Variants in LIMK2 observed in about 807,000 individuals in gnomAD.
The protein encoded by LIMK2 is LIM domain kinase 2.
LIMK2 carries 35 observed loss-of-function variants against 75.7 expected under a neutral mutation model. That is an observed-to-expected ratio of 0.46 (90% CI 0.35 to 0.61). The LOEUF (loss-of-function observed/expected upper bound fraction) is 0.61, where lower values mean the gene tolerates loss of function less well. Ranked by LOEUF, LIMK2 falls within the 20% of genes least tolerant of loss-of-function variation. The probability of loss-of-function intolerance (pLI) is 0.00; values close to 1 mark genes in which losing one functional copy is unlikely to be tolerated. For missense variants in LIMK2, 623 were observed against 831.0 expected (o/e 0.75, Z 3.08); for synonymous variants, 301 against 319.2 (o/e 0.94, Z 0.61).
intron 2 of LIMK2, among the ~76,000 whole-genome samples, chr22:31,231,520 CAG>C (rs1292395508): frequency 6.6e-6 from 1 of 152,186 alleles, no homozygotes; most frequent in Non-Finnish European, 1.5e-5. Context: ...GCCTGCCTGA[CAG>C]AGGAAGGAAG....
chr22:31,277,752 C>T (rs914236655), intron 15 of LIMK2: 1 of 157,746 alleles, frequency 6.3e-6, no homozygotes, highest in African/African-American at 2.4e-5. Context: ...TCTACTGTAT[C>T]ATACAGTAGA....
At position 31,268,185 on chromosome 22, in the gene LIMK2, A is replaced by C; in HGVS notation, c.1302A>C (p.Gly434=). The change falls in exon 11 of 16, where the codon GGA becomes GGC. Residue 434 remains glycine, a synonymous_variant. Coordinates refer to ENST00000331728, the MANE Select transcript of LIMK2 (RefSeq NM_005569.4). ...AGCAGAAGGTCAGGTTTGCCAAAGGAATCGCCTCCGGAATGGTGAGTCCCA... is the reference window on the plus strand; with the variant it reads ...AGCAGAAGGTCAGGTTTGCCAAAGGCATCGCCTCCGGAATGGTGAGTCCCA... ...PWQQKVRFAK[G]IASGMAYLHS... The C allele has an allele frequency of 6.2e-7, 1 of 1,614,002 alleles. No individual in the cohort carries two copies.
intron 12 of LIMK2, 48 bp downstream of exon 12, chr22:31,271,249 G>A (rs753308185): frequency 1.3e-6 from 2 of 1,540,740 alleles, no homozygotes; most frequent in African/African-American, 2.7e-5. Flanking sequence ...TATCCTTCCT[G>A]GCTTCCTTGT....
intron 12 of LIMK2, among the ~76,000 whole-genome samples, chr22:31,272,056 T>C (rs889336020): frequency 5.3e-5 from 8 of 151,814 alleles, no homozygotes; most frequent in Admixed American, 5.2e-4. Context: ...GTCTGTTTTT[T>C]TGTTTTGTTT....
At chr22:31,245,895 G>A (rs970054418) in intron 2 of LIMK2, among the ~76,000 whole-genome samples, 8 of 151,694 alleles carry the variant, frequency 5.3e-5, no homozygotes, top group East Asian at 3.9e-4. Flanking sequence ...AGCCAGGGCC[G>A]GGCGCAGTGG....
At position 31,262,641 on chromosome 22, in the gene LIMK2, T is replaced by G; in HGVS notation, c.704T>G (p.Ile235Ser). 1 of 1,614,080 alleles carries G rather than the reference T, an allele frequency of 6.2e-7. No individual in the cohort carries two copies. The highest frequency in any genetic ancestry group is 1.7e-4 in the Middle Eastern group (1 of 6,060). Reference protein sequence around the residue: ...SQTSQTLQLLIEHDPVSQRLD... With the variant: ...SQTSQTLQLLSEHDPVSQRLD... Reference sequence around the variant, plus strand: ...ACGAGCCAGACACTTCAGCTGTTGATTGAACATGACCCCGTCTCCCAACGC... The same window carrying G: ...ACGAGCCAGACACTTCAGCTGTTGAGTGAACATGACCCCGTCTCCCAACGC... Residue 235 changes from isoleucine (I) to serine (S), a missense_variant, in exon 7 of 16, where the codon ATT (isoleucine) becomes AGT (serine). Physicochemically the swap from Ile to Ser is moderately radical, Grantham distance 142. This residue lies in a region of LIMK2 where 514 missense variants were observed against 661.3 expected (regional missense o/e 0.78). Coordinates refer to ENST00000331728, the MANE Select transcript of LIMK2 (RefSeq NM_005569.4). This position sits in a 1 kb window ranked among gnomAD's most constrained non-coding sequence, Gnocchi z 5.0.
chr22:31,278,633 C>A lies in LIMK2; in HGVS notation c.*192C>A. On this transcript the variant is annotated 3_prime_UTR_variant, in exon 16 of 16. Transcript: ENST00000331728. ...CCAGGGAAATGTATCTCCACAGGTT[C>A]TGGGGCCTAGTTACTGTCTGTAAAT... 1 of 477,472 alleles carries A rather than the reference C, an allele frequency of 2.1e-6. No individual in the cohort carries two copies. Among genetic ancestry groups the A allele is most frequent in the East Asian group, 3.4e-5 (1 of 29,426 alleles). 29.6% of individuals were successfully genotyped at this position (477,472 alleles called of 1,614,324 possible).
intron 2 of LIMK2, among the ~76,000 whole-genome samples, chr22:31,234,929 A>T (rs547188039): frequency 2.1e-4 from 32 of 152,140 alleles, no homozygotes; most frequent in Non-Finnish European, 4.0e-4. Flanking sequence ...ACTCCTGCTT[A>T]TCGTTTAGAT....
Position 31,258,422 on chromosome 22 carries a change from T to G in LIMK2, c.248T>G (p.Phe83Cys). 6.2e-7 allele frequency: 1 copy of G among 1,614,050 alleles called. No individual in the cohort carries two copies. Among genetic ancestry groups the G allele is most frequent in the South Asian group, 1.1e-5 (1 of 91,076 alleles). ...HGCSLLMTGP[F>C]MVAGEFKYHP... is the part of the protein sequence containing the mutation. ...TGCTCCCTGCTGATGACAGGGCCTT[T>G]TATGGTGAGTGAATCCCTTCATATC... Residue 83 changes from phenylalanine to cysteine, a missense_variant, in exon 3 of 16, where the codon TTT becomes TGT. Physicochemically the swap from Phe to Cys is radical, Grantham distance 205 (BLOSUM62 -2). Coordinates refer to ENST00000331728, the MANE Select transcript of LIMK2 (RefSeq NM_005569.4).
intron 8 of LIMK2, 83 bp from the exon 9 acceptor site, chr22:31,266,901 A>G: frequency 1.1e-6 from 1 of 900,670 alleles, no homozygotes. Context: ...AAGGGATGGG[A>G]TGGCCAGCTG....
At chr22:31,235,529 C>G (rs544738092) in intron 2 of LIMK2, among the ~76,000 whole-genome samples, 3 of 152,222 alleles carry the variant, frequency 2.0e-5, no homozygotes, top group Admixed American at 2.0e-4. Context: ...GGAACAAGCC[C>G]TAGGTACCTC....
At position 31,226,203 on chromosome 22, in the gene LIMK2, T is replaced by TTTATG. The variant is rs1466498483; in HGVS notation, c.116+388_116+389insGTTAT. The stretch of plus-strand genomic sequence containing the variant: ...CTTATTTTATTTTATTTTATTTTAT[T>TTTATG]TTATTTTATTTTATTTTATGAGAGG... On this transcript the variant is annotated intron_variant, in intron 2 of 15. Coordinates refer to ENST00000331728, the MANE Select transcript of LIMK2 (RefSeq NM_005569.4). Among the ~76,000 whole-genome samples, 35 of 151,602 alleles carry TTTATG rather than the reference T, an allele frequency of 2.3e-4. No homozygotes were observed. In the East Asian group the frequency reaches 6.8e-3, roughly 29 times the overall value.
At chr22:31,267,672 A>T in intron 9 of LIMK2, 104 bp from the exon 10 acceptor site, 1 of 1,229,734 alleles carries the variant, frequency 8.1e-7, no homozygotes, top group Admixed American at 2.3e-5. Context: ...AGGAGGTAGG[A>T]GATACAGGTG....
At chr22:31,276,595 G>A (rs935008784) in intron 15 of LIMK2, among the ~76,000 whole-genome samples, 1 of 146,198 alleles carries the variant, frequency 6.8e-6, no homozygotes, top group Non-Finnish European at 1.5e-5. Flanking sequence ...CCCTCGCCGC[G>A]GAGCCGGCGA....
chr22:31,239,895 C>T (rs571904495), intron 2 of LIMK2, among the ~76,000 whole-genome samples: 1 of 152,206 alleles, frequency 6.6e-6, no homozygotes, highest in African/African-American at 2.4e-5. Flanking sequence ...CTACAATATT[C>T]TTTTAGGCAA....
rs764106716 is a variant in LIMK2 at position 31,258,331 on chromosome 22, G to C, written c.157G>C (p.Glu53Gln). 2 of 1,613,500 alleles carry C rather than the reference G, an allele frequency of 1.2e-6. No individual in the cohort carries two copies. The highest frequency in any genetic ancestry group is 1.7e-6 in the Non-Finnish European group (2 of 1,179,584). ...GGATTCCCTCACCAACTGGTACTAT[G>C]AGAAGGATGGGAAGCTCTACTGCCC... ...CQDSLTNWYY[E>Q]KDGKLYCPKD... The change falls in exon 3 of 16, where the codon GAG (glutamate) becomes CAG (glutamine). Residue 53 changes from glutamate to glutamine, a missense_variant. By Grantham distance (29) the Glu-to-Gln change is conservative. This residue lies in a region of LIMK2 where 514 missense variants were observed against 661.3 expected (regional missense o/e 0.78). Coordinates refer to ENST00000331728, the MANE Select transcript of LIMK2 (RefSeq NM_005569.4).
At position 31,262,595 on chromosome 22, in the gene LIMK2, G is replaced by A; in HGVS notation, c.658G>A (p.Val220Met). Residue 220 changes from valine (V) to methionine (M), a missense_variant and splice_region_variant, in exon 7 of 16, where the codon GTG becomes ATG. Around this residue, in one of 3 missense-constraint regions of LIMK2, gnomAD observed 514 missense variants for 661.3 expected, o/e 0.78. Coordinates refer to ENST00000331728, the MANE Select transcript of LIMK2 (RefSeq NM_005569.4). The surrounding 1 kb of genome is among the most constrained non-coding windows in gnomAD (Gnocchi z 5.0). ...AGCTTTATACTGCTCTTGGCCACAG[G>A]TGGAGGATGCAATTAGCCAGACGAG... The part of the protein sequence containing the change: ...TPVRTLRVEE[V>M]EDAISQTSQT... The A allele has an allele frequency of 1.9e-6, 3 of 1,610,432 alleles. No homozygotes were observed. Among genetic ancestry groups the A allele is most frequent in the Non-Finnish European group, 2.5e-6 (3 of 1,177,588 alleles).
intron 15 of LIMK2, chr22:31,275,611 CT>C (rs2049005613): frequency 6.2e-6 from 2 of 322,430 alleles, no homozygotes; most frequent in Non-Finnish European, 1.1e-5. Flanking sequence ...CGATATTCCC[CT>C]GTCCATATCT....
At position 31,279,041 on chromosome 22, in the gene LIMK2, G is replaced by C. The variant is rs765559275; in HGVS notation, c.*600G>C. 1.3e-5 allele frequency: 2 copies of C among 152,262 alleles called. No individual in the cohort carries two copies. The highest frequency in any genetic ancestry group is 2.9e-5 in the Non-Finnish European group (2 of 68,058). The allele number at this position is 152,262 out of a possible 1,614,324, so 9.4% of individuals were successfully genotyped here. ...GGAACAGGCCAGGAGTTAGAGAAAG[G>C]GCTGGCTTCTGTTTACCTGCTCACT... On this transcript the variant is annotated 3_prime_UTR_variant, in exon 16 of 16. Transcript: ENST00000331728.
Sources: allele counts gnomAD v4.1 joint callset (sites outside exome capture counted in the v4.1 genomes callset), GRCh38; gene constraint gnomAD v4.1.1; regional missense constraint gnomAD v4.1.1; non-coding constraint Gnocchi (gnomAD v3.1); transcripts MANE v1.5; gene names NCBI Gene and HGNC (gene_info 2026-07-23, HGNC 2026-07-21).